The following FNBP4 variants were observed in gnomAD, a reference collection of about 807,000 sequenced individuals.
FNBP4 encodes formin-binding protein 4.
In FNBP4, 34 loss-of-function variants were observed where a neutral mutation model predicts 119.3. The ratio of observed to expected loss-of-function variants is 0.28; its 90% confidence interval spans 0.22 to 0.38. The LOEUF is 0.38. FNBP4 is among the 10% of genes least tolerant of loss of function. FNBP4 has a pLI of 1.00. For missense variants in FNBP4, 1,112 were observed against 1,228.9 expected, an observed-to-expected ratio of 0.90 and a Z score of 1.42; for synonymous variants, 462 against 430.6, an observed-to-expected ratio of 1.07 and a Z score of -0.90.
At chr11:47,734,866 G>T (rs539778747) in intron 9 of FNBP4, among the ~76,000 whole-genome samples, 1 of 151,836 alleles carries the variant, frequency 6.6e-6, no homozygotes, top group East Asian at 1.9e-4. Context: ...CCAGCTACTC[G>T]GGAGGCTGAG....
At chr11:47,729,816 G>A in intron 12 of FNBP4, 1 of 985,292 alleles carries the variant, frequency 1.0e-6, no homozygotes, top group Non-Finnish European at 1.2e-6. Flanking sequence ...GTTGATTATT[G>A]CTCTTAAATC....
In FNBP4 at chr11:47,751,277, C is replaced by A. The variant is rs759964316; in HGVS notation, c.651G>T (p.Met217Ile). 3.5e-5 allele frequency: 57 copies of A among 1,613,938 alleles called. No individual in the cohort carries two copies. ...CATCCCAGACTTCCTGCCAATCGCC[C>A]ATCTCAATTCCGACTAGAAGATAAA... Reference protein sequence around the residue: ...QCSLAGVGIEMGDWQEVWDEN... With the variant: ...QCSLAGVGIEIGDWQEVWDEN... The change falls in exon 5 of 17, where the codon ATG (methionine) becomes ATT (isoleucine). Residue 217 changes from methionine to isoleucine, a missense_variant. Physicochemically the swap from Met to Ile is conservative, Grantham distance 10. Transcript: ENST00000263773.
At chr11:47,727,354 A>G (rs1442536642) in intron 12 of FNBP4, among the ~76,000 whole-genome samples, 1 of 150,396 alleles carries the variant, frequency 6.6e-6, no homozygotes, top group Non-Finnish European at 1.5e-5. Flanking sequence ...GGTTCAAGCG[A>G]TTCTCCTGCC....
chr11:47,765,399 GA>G, intron 1 of FNBP4, 37 bp from the exon 2 acceptor site: 2 of 1,345,964 alleles, frequency 1.5e-6, no homozygotes, highest in South Asian at 2.5e-5. Flanking sequence ...GAAAAGAAAA[GA>G]AAAGAAAAGA....
intron 15 of FNBP4, among the ~76,000 whole-genome samples, chr11:47,720,594 AAAT>A (rs1394801297): frequency 3.3e-4 from 50 of 151,668 alleles, no homozygotes; most frequent in Admixed American, 2.9e-3. Flanking sequence ...ATAAATAAAT[AAAT>A]AAAATCTATA....
intron 2 of FNBP4, among the ~76,000 whole-genome samples, chr11:47,759,926 C>T (rs2097629543): frequency 6.6e-6 from 1 of 152,146 alleles, no homozygotes; most frequent in Non-Finnish European, 1.5e-5. Flanking sequence ...GCACTCCAAC[C>T]TGGGGAACAA....
At chr11:47,735,427 C>A (rs1178344171) in intron 9 of FNBP4, among the ~76,000 whole-genome samples, 1 of 152,152 alleles carries the variant, frequency 6.6e-6, no homozygotes, top group Non-Finnish European at 1.5e-5. Flanking sequence ...TTCCAACAGA[C>A]CACCCTTAAA....
In FNBP4 at chr11:47,741,305, G is replaced by A. The variant is rs72911764; in HGVS notation, c.1456+2648C>T. Reference sequence around the variant, plus strand: ...CTCCCTCAACATCCTGAGTAGCTGGGATTATATCCGTGTGCCACCACACTG... The same window carrying A: ...CTCCCTCAACATCCTGAGTAGCTGGAATTATATCCGTGTGCCACCACACTG... On this transcript the variant is annotated intron_variant, in intron 8 of 16. Transcript: ENST00000263773. Among the ~76,000 whole-genome samples, 237 of 151,674 alleles carry A rather than the reference G, an allele frequency of 1.6e-3. 5 individuals are homozygous for A. The highest frequency in any genetic ancestry group is 2.4e-3 in the Non-Finnish European group (163 of 67,992).
intron 16 of FNBP4, among the ~76,000 whole-genome samples, chr11:47,719,531 A>C (rs192731132): frequency 6.6e-6 from 1 of 151,980 alleles, no homozygotes; most frequent in Admixed American, 6.6e-5. Flanking sequence ...AAAAGGGTCT[A>C]ATTCTATAAA....
intron 2 of FNBP4, among the ~76,000 whole-genome samples, chr11:47,760,129 C>G (rs1200948823): frequency 6.6e-6 from 1 of 152,150 alleles, no homozygotes; most frequent in South Asian, 2.1e-4. Flanking sequence ...CTTTCTTCAC[C>G]TAAGAGCTTT....
intron 13 of FNBP4, 78 bp from the exon 14 acceptor site, chr11:47,724,250 C>A: frequency 6.4e-7 from 1 of 1,566,096 alleles, no homozygotes; most frequent in South Asian, 1.2e-5. Context: ...TTTTTTGAGA[C>A]AGGCTCTCAT....
chr11:47,765,416 A>AAAGAG, intron 1 of FNBP4, 54 bp from the exon 2 acceptor site: 1 of 1,313,674 alleles, frequency 7.6e-7, no homozygotes, highest in Non-Finnish European at 1.1e-6. Flanking sequence ...AAAGAAAAGA[A>AAAGAG]AACTGCAGTC....
At chr11:47,752,675 A>G in intron 4 of FNBP4, 1 of 383,206 alleles carries the variant, frequency 2.6e-6, no homozygotes, top group Admixed American at 3.8e-5. Flanking sequence ...TTAGCCAGGC[A>G]TGGCAGTGTG....
In FNBP4 at chr11:47,745,977, G is replaced by C. The variant is rs1161323969; in HGVS notation, c.1245+79C>G. 3.7e-5 allele frequency: 46 copies of C among 1,230,886 alleles called. No homozygotes were observed. The South Asian group carries it at 4.9e-4, about 13-fold the overall frequency. 76.2% of individuals were successfully genotyped at this position (1,230,886 alleles called of 1,614,324 possible). ...ATAAGAAAAACAAAATCCCAATAATGGTTGTAAGTCAAGCACAATGATCCC... is the reference window on the plus strand; with the variant it reads ...ATAAGAAAAACAAAATCCCAATAATCGTTGTAAGTCAAGCACAATGATCCC... On this transcript the variant is annotated intron_variant, in intron 7 of 16. Transcript: ENST00000263773.
intron 8 of FNBP4, among the ~76,000 whole-genome samples, chr11:47,742,924 A>C (rs2097584285): frequency 6.6e-6 from 1 of 151,840 alleles, no homozygotes; most frequent in Non-Finnish European, 1.5e-5. Flanking sequence ...GAAAAAATTC[A>C]AACAAGGATG....
At chr11:47,727,628 C>G (rs1048703846) in intron 12 of FNBP4, among the ~76,000 whole-genome samples, 1 of 152,052 alleles carries the variant, frequency 6.6e-6, no homozygotes, top group African/African-American at 2.4e-5. Context: ...AGCACATTAC[C>G]CATCTCACAT....
chr11:47,732,872 C>G lies in FNBP4; in HGVS notation c.1687-202G>C, dbSNP rs1402212939. On this transcript the variant is annotated intron_variant, in intron 10 of 16. Coordinates refer to ENST00000263773, the MANE Select transcript of FNBP4 (RefSeq NM_015308.5). The surrounding 1 kb of genome is among the most constrained non-coding windows in gnomAD (Gnocchi z 4.2). ...GTGGCTCACGCCTGTAATCCCAGCA[C>G]TTTGGGAGGCTGAGGCGGGTGGATC... 6.6e-6 allele frequency among the ~76,000 whole-genome samples: 1 copy of G among 152,192 alleles called. No individual in the cohort carries two copies. The highest frequency in any genetic ancestry group is 2.1e-4 in the South Asian group (1 of 4,832).
intron 6 of FNBP4, among the ~76,000 whole-genome samples, chr11:47,746,866 T>C (rs561931605): frequency 6.6e-6 from 1 of 152,252 alleles, no homozygotes; most frequent in Admixed American, 6.5e-5. Context: ...ATTATTACTT[T>C]AGACAGACAC....
intron 3 of FNBP4, among the ~76,000 whole-genome samples, chr11:47,754,159 A>G (rs576426817): frequency 9.9e-5 from 15 of 151,318 alleles, no homozygotes; most frequent in Middle Eastern, 6.9e-3. Context: ...GTGAGGCGAG[A>G]TCGTACCGCT....
Sources: gnomAD v4.1 joint callset for allele counts (sites outside exome capture counted in the v4.1 genomes callset) on GRCh38, gnomAD v4.1.1 for gene constraint, Gnocchi (gnomAD v3.1) non-coding constraint, MANE v1.5 for transcripts, NCBI Gene and HGNC (gene_info 2026-07-23, HGNC 2026-07-21) for gene names.